IFNGR1: variants seen among roughly 807,000 people sequenced by gnomAD.
The protein encoded by IFNGR1 is AVP, type 2.
Under a neutral mutation model 35.4 loss-of-function variants are expected in IFNGR1, and 23 were observed. The ratio of observed to expected loss-of-function variants is 0.65; its 90% CI spans 0.47 to 0.92. The LOEUF is 0.92. Among genes scored for constraint, IFNGR1 ranks in the 40% least tolerant of loss-of-function variants. The pLI is 0.00. For missense variants in IFNGR1, 533 were observed against 583.4 expected (o/e 0.91, Z 0.89); for synonymous variants, 199 against 209.5 (o/e 0.95, Z 0.43).
chr6:137,200,199 G>A (rs1779244261), intron 6 of IFNGR1, among the ~76,000 whole-genome samples: 1 of 152,102 alleles, frequency 6.6e-6, no homozygotes, highest in African/African-American at 2.4e-5. Context: ...CACTTTAAAG[G>A]TAGTTTATAG....
At chr6:137,218,448 T>A in intron 1 of IFNGR1, 2 of 1,271,466 alleles carry the variant, frequency 1.6e-6, no homozygotes, top group Non-Finnish European at 2.1e-6. Flanking sequence ...CGAAGAGACC[T>A]ACTGCCAAAT....
chr6:137,210,953 G>A (rs1232377951), intron 1 of IFNGR1, among the ~76,000 whole-genome samples: 2 of 151,904 alleles, frequency 1.3e-5, no homozygotes, highest in Non-Finnish European at 2.9e-5. Context: ...TAAATAATAG[G>A]CACTAATGGA....
chr6:137,198,344 T>G lies in IFNGR1; in HGVS notation c.1157A>C (p.Gln386Pro). 1 of 1,614,198 alleles carries G rather than the reference T, an allele frequency of 6.2e-7. No individual in the cohort carries two copies. Among genetic ancestry groups the G allele is most frequent in the Non-Finnish European group, 8.5e-7 (1 of 1,180,022 alleles). ...RESSSPLSSN[Q>P]SEPGSIALNS... ...TAAAGCGATGCTGCCAGGTTCAGAC[T>G]GGTTACTACTTAAAGGTGAAGAACT... Residue 386 changes from glutamine to proline, a missense_variant, in exon 7 of 7, where the codon CAG (glutamine) becomes CCG (proline). Transcript: ENST00000367739.
chr6:137,213,807 A>G (rs191405121), intron 1 of IFNGR1, among the ~76,000 whole-genome samples: 1 of 152,350 alleles, frequency 6.6e-6, no homozygotes, highest in East Asian at 1.9e-4. Context: ...GGGTGACAGG[A>G]ACCAGGGCTG....
At chr6:137,208,931 G>A (rs1779512569) in intron 1 of IFNGR1, among the ~76,000 whole-genome samples, 1 of 152,356 alleles carries the variant, frequency 6.6e-6, no homozygotes, top group Non-Finnish European at 1.5e-5. Context: ...GAAAGCAGCT[G>A]AGAGGGAGCC....
Position 137,203,594 on chromosome 6 carries a change from T to A in IFNGR1, c.638A>T (p.Tyr213Phe). 1 of 1,613,198 alleles carries A rather than the reference T, an allele frequency of 6.2e-7. No individual in the cohort carries two copies. The highest frequency in any genetic ancestry group is 2.2e-5 in the East Asian group (1 of 44,850). ...TAAGACTCCTTCTGCTGAAACACAG[T>A]ACTGAGAATTCAGTGAGGATACTGG... ...AIPVSSLNSQYCVSAEGVLHV... is the reference protein window; with the variant it reads ...AIPVSSLNSQFCVSAEGVLHV... Residue 213 changes from tyrosine to phenylalanine, a missense_variant, in exon 5 of 7, where the codon TAC becomes TTC. Transcript: ENST00000367739.
chr6:137,200,810 A>G, intron 6 of IFNGR1, 71 bp downstream of exon 6: 1 of 1,272,924 alleles, frequency 7.9e-7, no homozygotes, highest in Non-Finnish European at 1.1e-6. Flanking sequence ...CTTTAAAAAC[A>G]TAATTTAAGA....
intron 1 of IFNGR1, chr6:137,209,911 T>A (rs577313094): frequency 7.5e-6 from 3 of 398,580 alleles, no homozygotes; most frequent in Non-Finnish European, 1.3e-5. Context: ...CTCTGGGGTG[T>A]GCAGGGCTTT....
At chr6:137,207,609 GA>G (rs1176410554) in intron 1 of IFNGR1, among the ~76,000 whole-genome samples, 2 of 152,146 alleles carry the variant, frequency 1.3e-5, no homozygotes, top group Non-Finnish European at 2.9e-5. Flanking sequence ...AGTCTCATGA[GA>G]TATGATGGGT....
Position 137,200,912 on chromosome 6 carries a change from T to C in IFNGR1, c.830A>G (p.Lys277Arg). The change falls in exon 6 of 7, where the codon AAG (lysine) becomes AGG (arginine). Residue 277 changes from lysine (K) to arginine (R), a missense_variant. By Grantham distance (26) the Lys-to-Arg change is conservative. Coordinates refer to ENST00000367739, the MANE Select transcript of IFNGR1 (RefSeq NM_000416.3). ...CFYIKKINPL[K>R]EKSIILPKSL... ...CTTGGGTAATATTATGCTTTTTTCCTTCAATGGATTAATTTTCTTAATATA... is the reference window on the plus strand; with the variant it reads ...CTTGGGTAATATTATGCTTTTTTCCCTCAATGGATTAATTTTCTTAATATA... 1.2e-6 allele frequency: 2 copies of C among 1,604,750 alleles called. No individual in the cohort carries two copies. Among genetic ancestry groups the C allele is most frequent in the Non-Finnish European group, 1.7e-6 (2 of 1,172,506 alleles).
intron 1 of IFNGR1, among the ~76,000 whole-genome samples, chr6:137,208,478 G>T (rs564007318): frequency 6.6e-6 from 1 of 152,196 alleles, no homozygotes; most frequent in Admixed American, 6.5e-5. Flanking sequence ...GCCAGGCCCA[G>T]GGTCCCCGTG....
intron 1 of IFNGR1, among the ~76,000 whole-genome samples, chr6:137,208,760 C>G (rs1279514723): frequency 1.3e-5 from 2 of 152,334 alleles, no homozygotes; most frequent in Non-Finnish European, 1.5e-5. Flanking sequence ...CTCTGCTAGG[C>G]CAGTGTGGAA....
At chr6:137,210,186 G>C (rs1779541783) in intron 1 of IFNGR1, among the ~76,000 whole-genome samples, 1 of 152,094 alleles carries the variant, frequency 6.6e-6, no homozygotes, top group African/African-American at 2.4e-5. Context: ...AAATTAGCCA[G>C]GTGAAGAGGC....
chr6:137,217,298 C>A (rs1779724566), intron 1 of IFNGR1, among the ~76,000 whole-genome samples: 4 of 152,182 alleles, frequency 2.6e-5, no homozygotes, highest in Admixed American at 2.6e-4. Flanking sequence ...AAAATCATTT[C>A]CCTTTGTAAT....
chr6:137,199,481 T>C (rs186330676), intron 6 of IFNGR1, among the ~76,000 whole-genome samples: 2 of 102,716 alleles, frequency 1.9e-5, no homozygotes, highest in African/African-American at 7.4e-5. Flanking sequence ...AAATATATAA[T>C]TTATAATATA....
intron 6 of IFNGR1, among the ~76,000 whole-genome samples, chr6:137,199,632 T>TTA (rs1390697868): frequency 7.5e-6 from 1 of 133,458 alleles, no homozygotes; most frequent in South Asian, 2.2e-4. Flanking sequence ...ATATATATCT[T>TTA]TATATATATA....
chr6:137,204,247 C>T, intron 4 of IFNGR1, 85 bp downstream of exon 4: 1 of 1,080,828 alleles, frequency 9.3e-7, no homozygotes, highest in East Asian at 2.4e-5. Context: ...TATTTATAAG[C>T]ATCCTATTTT....
intron 2 of IFNGR1, 148 bp downstream of exon 2, chr6:137,206,814 GA>G: frequency 1.6e-6 from 1 of 635,702 alleles, no homozygotes; most frequent in South Asian, 1.9e-5. Flanking sequence ...ATTTGGCAAA[GA>G]ATTTGCATCT....
Position 137,197,985 on chromosome 6 carries a change from C to T in IFNGR1, c.*46G>A. On this transcript the variant is annotated 3_prime_UTR_variant, in exon 7 of 7. Transcript: ENST00000367739. ...CTTTTCATGAAATTAAAGCAGAAAA[C>T]TGTCCAGGAAAATCAGACTTCAAAG... is the stretch of plus-strand genomic sequence containing the variant. 6.2e-7 allele frequency: 1 copy of T among 1,612,418 alleles called. No individual in the cohort carries two copies. Among genetic ancestry groups the T allele is most frequent in the Non-Finnish European group, 8.5e-7 (1 of 1,179,142 alleles).
Sources: allele counts gnomAD v4.1 joint callset (sites outside exome capture counted in the v4.1 genomes callset), GRCh38; gene constraint gnomAD v4.1.1; transcripts MANE v1.5; gene names NCBI Gene and HGNC (gene_info 2026-07-23, HGNC 2026-07-21).